CLNK: variants seen among roughly 807,000 people sequenced by gnomAD.
CLNK encodes the protein cytokine dependent hematopoietic cell linker.
Under a neutral mutation model 68.6 loss-of-function variants are expected in CLNK, and 74 were observed. That is an observed-to-expected ratio of 1.08 (90% CI 0.89 to 1.31). The LOEUF (loss-of-function observed/expected upper bound fraction) is 1.31, where lower values mean the gene tolerates loss of function less well. Among genes scored for constraint, CLNK ranks in the 50% most tolerant of loss-of-function variants. CLNK has a pLI of 0.00. For synonymous variants in CLNK, 198 were observed against 172.2 expected (o/e 1.15, Z -1.17); for missense variants, 553 against 515.3 (o/e 1.07, Z -0.71).
At position 10,548,222 on chromosome 4, in the gene CLNK, T is replaced by A. The variant is rs147333841; in HGVS notation, c.446-5942A>T. Among the ~76,000 whole-genome samples the A allele has an allele frequency of 1.8e-3, 275 of 152,312 alleles. 1 individual carries two copies. Among genetic ancestry groups the A allele is most frequent in the African/African-American group, 6.1e-3 (252 of 41,576 alleles). ...AGAGGTGTGAGGTGATATTTCACTG[T>A]GGCTCTGAGTTGCATTTCCTTCATG... On this transcript the variant is annotated intron_variant, in intron 8 of 18. Transcript: ENST00000226951.
chr4:10,694,101 C>T, the CLNK span, among the ~76,000 whole-genome samples: 1 of 151,978 alleles, frequency 6.6e-6, no homozygotes, highest in East Asian at 1.9e-4. Flanking sequence ...ATTCCTAGGC[C>T]CTGTCCCTAA....
chr4:10,649,474 A>T lies in CLNK; in HGVS notation c.11+18385T>A, dbSNP rs569296902. Among the ~76,000 whole-genome samples the T allele has an allele frequency of 2.0e-5, 3 of 152,286 alleles. No individual in the cohort carries two copies. In the East Asian group the frequency reaches 5.8e-4, roughly 29 times the overall value. On this transcript the variant is annotated intron_variant, in intron 2 of 18. Coordinates refer to ENST00000226951, the MANE Select transcript of CLNK (RefSeq NM_052964.4). The stretch of plus-strand genomic sequence containing the variant: ...TTTAATTTTCATGGCCTGGCAGAAC[A>T]TGGGAGACTTGATACAAAGCTCACA...
chr4:10,535,725 C>A (rs2108804936), intron 11 of CLNK, among the ~76,000 whole-genome samples: 1 of 152,220 alleles, frequency 6.6e-6, no homozygotes, highest in Admixed American at 6.5e-5. Context: ...CTTACCTTCC[C>A]TTTTATCAGA....
In CLNK at chr4:10,598,060, A is replaced by G. The variant is rs1386935383; in HGVS notation, c.12-11T>C. On this transcript the variant is annotated splice_polypyrimidine_tract_variant and intron_variant, in intron 2 of 18. Transcript: ENST00000226951. Reference sequence around the variant, plus strand: ...GTCTTTCTATTGCCCCTGGGATGAAAGAAAATAAATTATAGCTGGGAAATA... The same window carrying G: ...GTCTTTCTATTGCCCCTGGGATGAAGGAAAATAAATTATAGCTGGGAAATA... The G allele has an allele frequency of 5.1e-6, 8 of 1,553,724 alleles. No homozygotes were observed. Among genetic ancestry groups the G allele is most frequent in the African/African-American group, 1.4e-5 (1 of 73,584 alleles).
rs1479835920 is a variant in CLNK at position 10,566,164 on chromosome 4, A to C, written c.151-14T>G. 1 of 1,613,130 alleles carries C rather than the reference A, an allele frequency of 6.2e-7. No homozygotes were observed. The highest frequency in any genetic ancestry group is 1.1e-5 in the South Asian group (1 of 90,978). ...AAAGTTTCTTTCCTAAGCAGGTGGT[A>C]ACATTCCAGTGAGTCAAAGGAAGGT... is the stretch of plus-strand genomic sequence containing the variant. On this transcript the variant is annotated splice_polypyrimidine_tract_variant and intron_variant, in intron 5 of 18. Transcript: ENST00000226951.
chr4:10,539,791 C>G (rs1008831994), intron 11 of CLNK, among the ~76,000 whole-genome samples: 2 of 152,144 alleles, frequency 1.3e-5, no homozygotes, highest in Non-Finnish European at 2.9e-5. Context: ...TATATTTCTC[C>G]AGCCTGGGTG....
chr4:10,596,882 C>T (rs1721406472), intron 3 of CLNK, among the ~76,000 whole-genome samples: 1 of 152,198 alleles, frequency 6.6e-6, no homozygotes, highest in African/African-American at 2.4e-5. Context: ...CAACCCTCTC[C>T]ATCTGAAAGA....
rs149531487 is a variant in CLNK at position 10,593,483 on chromosome 4, C to T, written c.83+4495G>A. On this transcript the variant is annotated intron_variant, in intron 3 of 18. Coordinates refer to ENST00000226951, the MANE Select transcript of CLNK (RefSeq NM_052964.4). ...CAGCCTGGCTAATATGGCGAAACCC[C>T]ATCTCTACTAAAAATACAAAACTTG... Among the ~76,000 whole-genome samples, 882 of 152,108 alleles carry T rather than the reference C, an allele frequency of 5.8e-3. 18 individuals are homozygous for T. In the East Asian group the frequency reaches 0.065, roughly 11 times the overall value.
At chr4:10,719,396 CAAAAGA>C in the CLNK span, among the ~76,000 whole-genome samples, 1 of 151,474 alleles carries the variant, frequency 6.6e-6, no homozygotes, top group African/African-American at 2.4e-5. Flanking sequence ...AAAGATTAAT[CAAAAGA>C]AAGAGTGACT....
upstream of CLNK, among the ~76,000 whole-genome samples, chr4:10,689,388 G>A (rs1725383876): frequency 2.0e-5 from 3 of 152,004 alleles, no homozygotes; most frequent in Admixed American, 2.0e-4. Context: ...TCCCATTTAG[G>A]CCTCCTAAAG....
intron 1 of CLNK, among the ~76,000 whole-genome samples, chr4:10,683,259 A>T (rs1470676948): frequency 6.6e-6 from 1 of 152,212 alleles, no homozygotes; most frequent in Non-Finnish European, 1.5e-5. Context: ...CTCATGGCAA[A>T]GTGATCGAGA....
intron 2 of CLNK, among the ~76,000 whole-genome samples, chr4:10,658,469 G>C (rs1179207145): frequency 6.6e-6 from 1 of 152,130 alleles, no homozygotes; most frequent in Non-Finnish European, 1.5e-5. Context: ...GTTCTCAGCT[G>C]GGGGGTTTCC....
chr4:10,625,810 G>C (rs1722645614), intron 2 of CLNK, among the ~76,000 whole-genome samples: 1 of 152,098 alleles, frequency 6.6e-6, no homozygotes, highest in African/African-American at 2.4e-5. Context: ...AGCAGAAACT[G>C]GTTCTGTTAC....
intron 2 of CLNK, among the ~76,000 whole-genome samples, chr4:10,617,733 G>C (rs1296868124): frequency 6.6e-6 from 1 of 152,160 alleles, no homozygotes; most frequent in East Asian, 1.9e-4. Context: ...AGAAAAGACT[G>C]AAAAAGACGG....
intron 11 of CLNK, among the ~76,000 whole-genome samples, chr4:10,536,621 C>T (rs1317512760): frequency 6.6e-6 from 1 of 152,084 alleles, no homozygotes; most frequent in Non-Finnish European, 1.5e-5. Flanking sequence ...ATTTATTGGG[C>T]ACATGTGCCA....
chr4:10,490,631 A>C lies in CLNK; in HGVS notation c.1141-18T>G, dbSNP rs1435687854. On this transcript the variant is annotated intron_variant, in intron 18 of 18. Transcript: ENST00000226951. ...TCAAACTTCTGAAACACAGAAAAGA[A>C]AGTTAATGACTTTTAAAATATCTTT... is the stretch of plus-strand genomic sequence containing the variant. 1 of 1,549,868 alleles carries C rather than the reference A, an allele frequency of 6.5e-7. No individual in the cohort carries two copies. Among genetic ancestry groups the C allele is most frequent in the Non-Finnish European group, 8.7e-7 (1 of 1,144,820 alleles).
At chr4:10,627,167 C>T (rs555014670) in intron 2 of CLNK, among the ~76,000 whole-genome samples, 13 of 152,204 alleles carry the variant, frequency 8.5e-5, no homozygotes, top group South Asian at 2.1e-4. Flanking sequence ...TTTTACTTGA[C>T]GAAAACTGTG....
Position 10,558,438 on chromosome 4 carries a change from A to G in CLNK, c.414T>C (p.Ile138=). 6.2e-7 allele frequency: 1 copy of G among 1,613,852 alleles called. No homozygotes were observed. The change falls in exon 8 of 19, where the codon ATT becomes ATC. Residue 138 remains isoleucine (I), a synonymous_variant. Transcript: ENST00000226951. The part of the protein sequence containing the change: ...QTRLERVDKP[I]SKDVRSQNIK... ...TGTTTTGGCTTCTGACGTCCTTGGA[A>G]ATGGGTTTGTCCACCTGTACAAGAC...
At chr4:10,694,895 C>T in the CLNK span, among the ~76,000 whole-genome samples, 1 of 152,204 alleles carries the variant, frequency 6.6e-6, no homozygotes, top group Non-Finnish European at 1.5e-5. Flanking sequence ...TCTTTTCTAA[C>T]CCTAAATAGT....
Sources: allele counts gnomAD v4.1 joint callset (sites outside exome capture counted in the v4.1 genomes callset), GRCh38; gene constraint gnomAD v4.1.1; transcripts MANE v1.5; gene names NCBI Gene and HGNC (gene_info 2026-07-23, HGNC 2026-07-21).